Variants in NSMCE2 observed in about 807,000 individuals in gnomAD.
The protein encoded by NSMCE2 is E3 SUMO-protein ligase NSE2.
Under a neutral mutation model 23.8 loss-of-function variants are expected in NSMCE2, and 24 were observed. The ratio of observed to expected loss-of-function variants is 1.01; its 90% CI spans 0.73 to 1.42. The LOEUF (loss-of-function observed/expected upper bound fraction) is 1.42, where lower values mean the gene tolerates loss of function less well. Among genes scored for constraint, NSMCE2 ranks in the 40% most tolerant of loss-of-function variants. NSMCE2 has a pLI of 0.00. For synonymous variants in NSMCE2, 92 were observed against 94.1 expected, an observed-to-expected ratio of 0.98 and a Z score of 0.13; for missense variants, 284 against 296.5, an observed-to-expected ratio of 0.96 and a Z score of 0.31.
At chr8:125,193,931 A>G (rs546311146) in intron 5 of NSMCE2, among the ~76,000 whole-genome samples, 16 of 152,282 alleles carry the variant, frequency 1.1e-4, no homozygotes, top group African/African-American at 3.4e-4. Flanking sequence ...TTTATTTGCC[A>G]GGTCCTTGTC....
At chr8:125,146,147 A>G (rs796744555) in intron 3 of NSMCE2, among the ~76,000 whole-genome samples, 3 of 152,146 alleles carry the variant, frequency 2.0e-5, no homozygotes, top group Non-Finnish European at 2.9e-5. Context: ...CAGATTGCCA[A>G]CGGAGCTGAG....
At chr8:125,327,780 T>A (rs1829729721) in intron 5 of NSMCE2, among the ~76,000 whole-genome samples, 1 of 152,100 alleles carries the variant, frequency 6.6e-6, no homozygotes, top group African/African-American at 2.4e-5. Context: ...AAAATATATG[T>A]ATACAATTGT....
chr8:125,272,750 C>T (rs1827261761), intron 5 of NSMCE2, among the ~76,000 whole-genome samples: 1 of 140,856 alleles, frequency 7.1e-6, no homozygotes, highest in Admixed American at 7.1e-5. Context: ...CATATATATA[C>T]ACACGTATAT....
chr8:125,217,760 G>A (rs1824665323), intron 5 of NSMCE2, among the ~76,000 whole-genome samples: 1 of 152,024 alleles, frequency 6.6e-6, no homozygotes, highest in South Asian at 2.1e-4. Flanking sequence ...CTGTGCTGAG[G>A]TACTTAGTGT....
chr8:125,191,853 T>C lies in NSMCE2; in HGVS notation c.418+9597T>C, dbSNP rs542794302. Among the ~76,000 whole-genome samples the C allele has an allele frequency of 5.1e-4, 77 of 152,330 alleles. No individual in the cohort carries two copies. In the South Asian group the frequency reaches 0.015, roughly 30 times the overall value. On this transcript the variant is annotated intron_variant, in intron 5 of 7. Transcript: ENST00000287437. ...AGGAATGCATGAAAAGTACAAGTTC[T>C]GTTTTTAGCAGACTGAACACCATAT... is the stretch of plus-strand genomic sequence containing the variant.
At chr8:125,284,494 A>G (rs1827819729) in intron 5 of NSMCE2, among the ~76,000 whole-genome samples, 1 of 152,224 alleles carries the variant, frequency 6.6e-6, no homozygotes. Flanking sequence ...AGGATTGTTC[A>G]ACTGCTGACC....
At chr8:125,217,513 G>A (rs1044314603) in intron 5 of NSMCE2, among the ~76,000 whole-genome samples, 2 of 151,930 alleles carry the variant, frequency 1.3e-5, no homozygotes, top group Non-Finnish European at 2.9e-5. Flanking sequence ...GGCACCTACC[G>A]CCACACATGG....
At chr8:125,356,308 G>C (rs1243290560) in intron 5 of NSMCE2, among the ~76,000 whole-genome samples, 1 of 140,632 alleles carries the variant, frequency 7.1e-6, no homozygotes, top group East Asian at 2.1e-4. Flanking sequence ...GATTATTACT[G>C]TTACTTTTAA....
intron 5 of NSMCE2, among the ~76,000 whole-genome samples, chr8:125,247,951 T>G (rs185190239): frequency 1.8e-3 from 276 of 152,296 alleles, no homozygotes; most frequent in African/African-American, 5.7e-3. Context: ...AGAATGACAG[T>G]AAACAGACAA....
intron 3 of NSMCE2, among the ~76,000 whole-genome samples, chr8:125,135,261 G>C (rs1820005375): frequency 6.6e-6 from 1 of 152,020 alleles, no homozygotes; most frequent in Non-Finnish European, 1.5e-5. Context: ...ATATTGCCCA[G>C]GTTGGTCTCA....
intron 5 of NSMCE2, among the ~76,000 whole-genome samples, chr8:125,306,018 G>A (rs1359240592): frequency 6.6e-6 from 1 of 152,178 alleles, no homozygotes; most frequent in Non-Finnish European, 1.5e-5. Flanking sequence ...TAGGATTACA[G>A]GTCATAGTAT....
At position 125,281,923 on chromosome 8, in the gene NSMCE2, A is replaced by G. The variant is rs112288723; in HGVS notation, c.419-75296A>G. Among the ~76,000 whole-genome samples the G allele has an allele frequency of 2.2e-3, 338 of 151,902 alleles. 1 individual carries two copies. Among genetic ancestry groups the G allele is most frequent in the African/African-American group, 7.7e-3 (320 of 41,398 alleles). On this transcript the variant is annotated intron_variant, in intron 5 of 7. Transcript: ENST00000287437. ...CTTAGAAGGCTCCAATATACTTCCT[A>G]ATCTCCCTCCATGCTCTGTCTAGCT...
intron 5 of NSMCE2, among the ~76,000 whole-genome samples, chr8:125,345,788 T>C (rs1312749816): frequency 2.6e-5 from 4 of 152,028 alleles, no homozygotes; most frequent in African/African-American, 9.7e-5. Context: ...GGGGATAGGA[T>C]TGAAGTGAGT....
chr8:125,141,174 A>G (rs536766843), intron 3 of NSMCE2, among the ~76,000 whole-genome samples: 63 of 152,304 alleles, frequency 4.1e-4, no homozygotes, highest in Non-Finnish European at 7.8e-4. Context: ...AGATATTAAC[A>G]TACATTCTAA....
In NSMCE2 at chr8:125,357,734, A is replaced by C; in HGVS notation, c.542A>C (p.Lys181Thr). 6.2e-7 allele frequency: 1 copy of C among 1,613,874 alleles called. No homozygotes were observed. Among genetic ancestry groups the C allele is most frequent in the Non-Finnish European group, 8.5e-7 (1 of 1,179,742 alleles). Residue 181 changes from lysine (K) to threonine (T), a missense_variant, in exon 7 of 8, where the codon AAA (lysine) becomes ACA (threonine). By Grantham distance (78) the Lys-to-Thr change is moderately conservative (BLOSUM62 -1). Coordinates refer to ENST00000287437, the MANE Select transcript of NSMCE2 (RefSeq NM_173685.4). ...ITKEEMKKPV[K>T]NKVCGHTYEE... ...CAGGAGGAAATGAAGAAGCCAGTGAAAAATAAAGTGTGTGGCCACACCTAT... is the reference window on the plus strand; with the variant it reads ...CAGGAGGAAATGAAGAAGCCAGTGACAAATAAAGTGTGTGGCCACACCTAT...
At chr8:125,357,928 C>T in intron 7 of NSMCE2, 110 bp downstream of exon 7, 1 of 729,616 alleles carries the variant, frequency 1.4e-6, no homozygotes, top group Non-Finnish European at 2.4e-6. Flanking sequence ...AAATTCCGTT[C>T]ACCTCCCGAA....
intron 4 of NSMCE2, among the ~76,000 whole-genome samples, chr8:125,174,317 T>A (rs1822368326): frequency 6.6e-6 from 1 of 152,198 alleles, no homozygotes; most frequent in Admixed American, 6.5e-5. Flanking sequence ...AGTAAATATT[T>A]ACTGAATGAA....
chr8:125,150,867 C>T (rs941516923), intron 3 of NSMCE2, among the ~76,000 whole-genome samples: 5 of 152,078 alleles, frequency 3.3e-5, no homozygotes, highest in South Asian at 2.1e-4. Flanking sequence ...GATTTAAGAT[C>T]ATGTAAGTAA....
chr8:125,144,948 TC>T (rs1820592259), intron 3 of NSMCE2, among the ~76,000 whole-genome samples: 1 of 152,176 alleles, frequency 6.6e-6, no homozygotes. Flanking sequence ...AGATGACATG[TC>T]TAATGAATAG....
Sources: gnomAD v4.1 joint callset for allele counts (sites outside exome capture counted in the v4.1 genomes callset) on GRCh38, gnomAD v4.1.1 for gene constraint, MANE v1.5 for transcripts, NCBI Gene and HGNC (gene_info 2026-07-23, HGNC 2026-07-21) for gene names.